Variants in RFX3 observed in about 807,000 individuals in gnomAD.
RFX3 encodes regulatory factor X3.
RFX3 carries 14 observed loss-of-function variants against 98.6 expected under a neutral mutation model. The observed-to-expected ratio is 0.14, with a 90% CI of 0.09 to 0.22. The LOEUF is 0.22. Among genes scored for constraint, RFX3 ranks in the 10% least tolerant of loss-of-function variants. RFX3 has a pLI of 1.00. For synonymous variants in RFX3, 383 were observed against 328.4 expected (o/e 1.17, Z -1.80); for missense variants, 639 against 926.9 (o/e 0.69, Z 4.03).
chr9:3,508,475 T>C (rs1490215794), intron 1 of RFX3, among the ~76,000 whole-genome samples: 1 of 151,994 alleles, frequency 6.6e-6, no homozygotes, highest in Non-Finnish European at 1.5e-5. Context: ...ATGTAATGCA[T>C]TATATTCTGA....
chr9:3,330,517 G>C lies in RFX3; in HGVS notation c.216C>G (p.Ile72Met), dbSNP rs749244562. 1.2e-5 allele frequency: 19 copies of C among 1,586,298 alleles called. No individual in the cohort carries two copies. Among genetic ancestry groups the C allele is most frequent in the East Asian group, 2.3e-5 (1 of 44,292 alleles). The change falls in exon 4 of 17, where the codon ATC becomes ATG. Residue 72 changes from isoleucine (I) to methionine (M), a missense_variant and splice_region_variant. Ile to Met is a conservative substitution (Grantham distance 10, BLOSUM62 1). Around this residue, in one of 9 missense-constraint regions of RFX3, gnomAD observed 210 missense variants for 197.7 expected, o/e 1.06. Transcript: ENST00000617270. The stretch of plus-strand genomic sequence containing the variant: ...CTGTGTAAGGATACGTTGTTGTTCG[G>C]CTTTAGAAGAAGAAGAAAAAAGAAA... ...GSDTVYTNGAIRTTTYPYTET... is the reference protein window; with the variant it reads ...GSDTVYTNGAMRTTTYPYTET...
At chr9:3,297,792 G>C (rs982955555) in intron 5 of RFX3, among the ~76,000 whole-genome samples, 1 of 151,906 alleles carries the variant, frequency 6.6e-6, no homozygotes, top group African/African-American at 2.4e-5. Context: ...ACATAAAATA[G>C]ACGGCTAGAG....
intron 1 of RFX3, among the ~76,000 whole-genome samples, chr9:3,492,335 TC>T (rs1850785185): frequency 6.6e-6 from 1 of 152,202 alleles, no homozygotes; most frequent in African/African-American, 2.4e-5. Flanking sequence ...ATGTCAGATG[TC>T]CCTTCCAGCA....
chr9:3,505,381 A>ATAAATATAAAATATTTTAT (rs1266674027), intron 1 of RFX3, among the ~76,000 whole-genome samples: 1 of 358 alleles, frequency 2.8e-3, no homozygotes, highest in African/African-American at 4.5e-3. Context: ...AATATTTTAT[A>ATAAATATAAAATATTTTAT]TTTATATAAT....
intron 2 of RFX3, among the ~76,000 whole-genome samples, chr9:3,383,599 A>C (rs1372719837): frequency 2.2e-4 from 33 of 152,120 alleles, no homozygotes; most frequent in Admixed American, 2.0e-3. Flanking sequence ...TAGACTTAAG[A>C]CTTAGCACTG....
chr9:3,246,287 G>C (rs1053655018), intron 15 of RFX3, among the ~76,000 whole-genome samples: 1 of 147,718 alleles, frequency 6.8e-6, no homozygotes, highest in Admixed American at 6.7e-5. Context: ...TCGTTTACAT[G>C]TAGTAAAAAA....
chr9:3,500,800 G>A (rs1360545349), intron 1 of RFX3, among the ~76,000 whole-genome samples: 1 of 152,254 alleles, frequency 6.6e-6, no homozygotes, highest in East Asian at 1.9e-4. Flanking sequence ...GCACGTGTTA[G>A]GCAAATGTGT....
intron 1 of RFX3, among the ~76,000 whole-genome samples, chr9:3,415,226 T>C (rs1842885848): frequency 6.8e-6 from 1 of 146,028 alleles, no homozygotes; most frequent in African/African-American, 2.5e-5. Context: ...CATATATATA[T>C]ATATAAGAGT....
At chr9:3,241,346 T>A (rs1819896258) in intron 15 of RFX3, among the ~76,000 whole-genome samples, 1 of 152,070 alleles carries the variant, frequency 6.6e-6, no homozygotes, top group Non-Finnish European at 1.5e-5. Flanking sequence ...TTAGGGTACC[T>A]ATTGCATGAT....
At chr9:3,465,828 C>A (rs986656365) in intron 1 of RFX3, among the ~76,000 whole-genome samples, 1 of 151,468 alleles carries the variant, frequency 6.6e-6, no homozygotes, top group African/African-American at 2.4e-5. Context: ...AAAGAAAAAG[C>A]AAAAGTGGAC....
chr9:3,308,353 G>C (rs1363137177), intron 4 of RFX3, among the ~76,000 whole-genome samples: 2 of 152,158 alleles, frequency 1.3e-5, no homozygotes, highest in Non-Finnish European at 2.9e-5. Flanking sequence ...AGTGCTACTG[G>C]AAGCCAGAAA....
intron 1 of RFX3, among the ~76,000 whole-genome samples, chr9:3,418,893 A>G (rs1843208083): frequency 6.6e-6 from 1 of 152,236 alleles, no homozygotes; most frequent in African/African-American, 2.4e-5. Context: ...AAACTTATGT[A>G]TTACATGGAG....
At chr9:3,325,897 T>A (rs1031679416) in intron 4 of RFX3, among the ~76,000 whole-genome samples, 8 of 152,076 alleles carry the variant, frequency 5.3e-5, no homozygotes, top group African/African-American at 1.9e-4. Flanking sequence ...GGAAATATTA[T>A]GTTGATATAG....
chr9:3,347,695 G>A (rs1834600537), intron 2 of RFX3, among the ~76,000 whole-genome samples: 1 of 151,798 alleles, frequency 6.6e-6, no homozygotes, highest in African/African-American at 2.4e-5. Context: ...GCATGGTGGT[G>A]CATGCCTGTA....
At position 3,457,480 on chromosome 9, in the gene RFX3, G is replaced by C. The variant is rs116972167; in HGVS notation, c.-8-61884C>G. ...ATTTGAGTATCATTTTATTTTGATA[G>C]AGAAATTAAAAACCCAGGAGTTCCA... On this transcript the variant is annotated intron_variant, in intron 1 of 16. Coordinates refer to ENST00000617270, the MANE Select transcript of RFX3 (RefSeq NM_001282116.2). Among the ~76,000 whole-genome samples, 1,433 of 152,210 alleles carry C rather than the reference G, an allele frequency of 9.4e-3. 10 individuals are homozygous for C. Among genetic ancestry groups the C allele is most frequent in the Middle Eastern group, 0.017 (5 of 292 alleles).
At chr9:3,405,475 T>TTAA (rs1427600421) in intron 1 of RFX3, among the ~76,000 whole-genome samples, 2 of 152,180 alleles carry the variant, frequency 1.3e-5, no homozygotes, top group African/African-American at 2.4e-5. Context: ...ATCATCAAAA[T>TTAA]TCAATTTAGA....
intron 1 of RFX3, among the ~76,000 whole-genome samples, chr9:3,473,950 T>C (rs1424825626): frequency 6.6e-6 from 1 of 152,146 alleles, no homozygotes; most frequent in Non-Finnish European, 1.5e-5. Context: ...ATATAATGTT[T>C]CTGAAAATGT....
chr9:3,522,266 T>A (rs1818794606), intron 1 of RFX3, among the ~76,000 whole-genome samples: 1 of 152,142 alleles, frequency 6.6e-6, no homozygotes, highest in Admixed American at 6.5e-5. Context: ...ATGGGAACAC[T>A]ATGTATCTGT....
At chr9:3,342,632 T>C (rs1275141163) in intron 3 of RFX3, among the ~76,000 whole-genome samples, 2 of 151,648 alleles carry the variant, frequency 1.3e-5, no homozygotes, top group East Asian at 3.9e-4. Context: ...GAAGTATGAG[T>C]CAAAAAAGAG....
Sources: allele counts gnomAD v4.1 joint callset (sites outside exome capture counted in the v4.1 genomes callset), GRCh38; gene constraint gnomAD v4.1.1; regional missense constraint gnomAD v4.1.1; transcripts MANE v1.5; gene names NCBI Gene and HGNC (gene_info 2026-07-23, HGNC 2026-07-21).